The following ARL2 variants were observed in gnomAD, a reference collection of about 807,000 sequenced individuals.
The protein encoded by ARL2 is ARF like GTPase 2, also known as ADP-ribosylation factor-like protein 2.
In ARL2, 11 loss-of-function variants were observed where a neutral mutation model predicts 22.0. The observed-to-expected ratio is 0.50, with a 90% CI of 0.31 to 0.83. ARL2 has a LOEUF of 0.83. ARL2 is among the 40% of genes least tolerant of loss of function. ARL2 has a pLI of 0.04. For missense variants in ARL2, 216 were observed against 243.2 expected, an observed-to-expected ratio of 0.89 and a Z score of 0.74; for synonymous variants, 111 against 100.8, an observed-to-expected ratio of 1.10 and a Z score of -0.61.
At position 65,021,741 on chromosome 11, in the gene ARL2, C is replaced by T. The variant is rs774121333; in HGVS notation, c.441C>T (p.Ile147=). 2 of 1,606,918 alleles carry T rather than the reference C, an allele frequency of 1.2e-6. No homozygotes were observed. The highest frequency in any genetic ancestry group is 1.7e-6 in the Non-Finnish European group (2 of 1,177,076). The part of the protein sequence containing the change: ...AIREVLELDS[I]RSHHWCIQGC... ...CCCAGGTCCTGGAGCTGGACTCCAT[C>T]CGCAGCCACCACTGGTGCATCCAGG... Residue 147 remains isoleucine, a synonymous_variant, in exon 5 of 5, where the codon ATC becomes ATT. Transcript: ENST00000246747.
intron 1 of ARL2, among the ~76,000 whole-genome samples, chr11:65,017,629 T>C (rs1946274296): frequency 6.6e-6 from 1 of 152,108 alleles, no homozygotes; most frequent in South Asian, 2.1e-4. Context: ...GGGCTAAGGC[T>C]GGGCCTCAGG....
intron 4 of ARL2, chr11:65,021,443 G>T: frequency 2.6e-6 from 1 of 384,992 alleles, no homozygotes; most frequent in East Asian, 3.9e-5. Flanking sequence ...GGTGTGTGGG[G>T]CTCCTAGCAC....
At chr11:65,014,524 A>C (rs1307303355) in intron 1 of ARL2, among the ~76,000 whole-genome samples, 1 of 152,060 alleles carries the variant, frequency 6.6e-6, no homozygotes, top group Non-Finnish European at 1.5e-5. Flanking sequence ...CCCGAGTGTC[A>C]GGGGTGGTGG....
intron 4 of ARL2, 123 bp from the exon 5 acceptor site, chr11:65,021,598 G>A (rs1946328108): frequency 1.6e-6 from 2 of 1,286,848 alleles, no homozygotes; most frequent in Non-Finnish European, 2.1e-6. Flanking sequence ...TTCCTGGATG[G>A]GATGACATGG....
chr11:65,016,225 A>G (rs1946252003), intron 1 of ARL2, among the ~76,000 whole-genome samples: 2 of 134,618 alleles, frequency 1.5e-5, no homozygotes, highest in East Asian at 2.6e-4. Context: ...AAAAATGACA[A>G]TTGAGTACAT....
Position 65,018,886 on chromosome 11 carries a change from A to G in ARL2, c.339+153A>G. 6.5e-7 allele frequency: 1 copy of G among 1,535,738 alleles called. No homozygotes were observed. The highest frequency in any genetic ancestry group is 1.4e-5 in the African/African-American group (1 of 73,214). ...ATGGGAGGCCCATGGTGCCAGAGGC[A>G]GGACACATGCTGTGGACTGAGATTG... On this transcript the variant is annotated intron_variant, in intron 3 of 4. Transcript: ENST00000246747. This position sits in a 1 kb window ranked among gnomAD's most constrained non-coding sequence, Gnocchi z 4.2.
rs753439287 is a variant in ARL2 at position 65,018,770 on chromosome 11, G to T, written c.339+37G>T. 6.2e-7 allele frequency: 1 copy of T among 1,611,140 alleles called. No homozygotes were observed. The highest frequency in any genetic ancestry group is 8.5e-7 in the Non-Finnish European group (1 of 1,179,732). ...CTACCCTTTGTGTACATGTATGGAC[G>T]TGTGGCTGCCTTCTCAGCAGATGCC... On this transcript the variant is annotated intron_variant, in intron 3 of 4. Coordinates refer to ENST00000246747, the MANE Select transcript of ARL2 (RefSeq NM_001667.4). This position sits in a 1 kb window ranked among gnomAD's most constrained non-coding sequence, Gnocchi z 4.2.
Position 65,014,167 on chromosome 11 carries a change from G to GACCCCGCTCCCGGT in ARL2, c.-39_-38insCCCGCTCCCGGTAC. The GACCCCGCTCCCGGT allele has an allele frequency of 6.7e-7, 1 of 1,487,596 alleles. No homozygotes were observed. Among genetic ancestry groups the GACCCCGCTCCCGGT allele is most frequent in the Non-Finnish European group, 9.1e-7 (1 of 1,101,868 alleles). 92.1% of individuals were successfully genotyped at this position (1,487,596 alleles called of 1,614,324 possible). On this transcript the variant is annotated 5_prime_UTR_variant, in exon 1 of 5. Transcript: ENST00000246747. ...ACAGGAACCGGGAGCGGGGTCCCGG[G>GACCCCGCTCCCGGT]ACTGGGAAGAAACGGCGGCCGGGAG...
At chr11:65,020,869 C>CAAAAAAA (rs58186585) in intron 4 of ARL2, among the ~76,000 whole-genome samples, 3 of 68,086 alleles carry the variant, frequency 4.4e-5, no homozygotes, top group African/African-American at 1.0e-4. Flanking sequence ...GACTTCGTCT[C>CAAAAAAA]AAAAAAAAAA....
At chr11:65,019,194 G>A in intron 3 of ARL2, 1 of 293,888 alleles carries the variant, frequency 3.4e-6, no homozygotes, top group Non-Finnish European at 6.7e-6. Context: ...CTGTGATCGT[G>A]CCACTGCACT....
At chr11:65,015,018 C>A (rs1946233352) in intron 1 of ARL2, among the ~76,000 whole-genome samples, 1 of 152,254 alleles carries the variant, frequency 6.6e-6, no homozygotes, top group African/African-American at 2.4e-5. Flanking sequence ...AGGCTCACCG[C>A]AGCCTCCAGC....
chr11:65,019,009 G>A (rs1946294875), intron 3 of ARL2: 2 of 1,336,888 alleles, frequency 1.5e-6, no homozygotes, highest in African/African-American at 1.5e-5. Context: ...GGGCTTTAGG[G>A]AGGATAACCC....
At position 65,021,835 on chromosome 11, in the gene ARL2, C is replaced by A; in HGVS notation, c.535C>A (p.Arg179Ser). 1 of 1,613,246 alleles carries A rather than the reference C, an allele frequency of 6.2e-7. No individual in the cohort carries two copies. Among genetic ancestry groups the A allele is most frequent in the Non-Finnish European group, 8.5e-7 (1 of 1,179,916 alleles). ...IDWLLDDISS[R>S]IFTAD Reference sequence around the variant, plus strand: ...CTGGCTCCTGGATGACATTTCCAGCCGCATTTTCACAGCTGACTGAACCAC... The same window carrying A: ...CTGGCTCCTGGATGACATTTCCAGCAGCATTTTCACAGCTGACTGAACCAC... The change falls in exon 5 of 5, where the codon CGC becomes AGC. Residue 179 changes from arginine to serine, a missense_variant. By Grantham distance (110) the Arg-to-Ser change is moderately radical. Transcript: ENST00000246747.
At chr11:65,019,174 C>T (rs1946297282) in intron 3 of ARL2, 7 of 331,616 alleles carry the variant, frequency 2.1e-5, no homozygotes, top group South Asian at 1.7e-4. Context: ...GAGGTTGAGG[C>T]TGCAGTGAGC....
intron 1 of ARL2, among the ~76,000 whole-genome samples, chr11:65,017,956 C>T (rs1484930790): frequency 1.3e-5 from 2 of 152,254 alleles, no homozygotes; most frequent in Admixed American, 6.5e-5. Context: ...AGGCCTTCCC[C>T]GGCACCTGAG....
At position 65,021,998 on chromosome 11, in the gene ARL2, T is replaced by C. The variant is rs1212684139; in HGVS notation, c.*143T>C. 1 of 1,259,654 alleles carries C rather than the reference T, an allele frequency of 7.9e-7. No homozygotes were observed. Among genetic ancestry groups the C allele is most frequent in the Non-Finnish European group, 1.1e-6 (1 of 921,384 alleles). The allele number at this position is 1,259,654 out of a possible 1,614,324, so 78.0% of individuals were successfully genotyped here. On this transcript the variant is annotated 3_prime_UTR_variant, in exon 5 of 5. Transcript: ENST00000246747. ...TGCTGCTGCTACTGCTGCCCGCTGCTGCTCTGTGGCCACCCGGCTCCCATG... is the reference window on the plus strand; with the variant it reads ...TGCTGCTGCTACTGCTGCCCGCTGCCGCTCTGTGGCCACCCGGCTCCCATG...
intron 3 of ARL2, among the ~76,000 whole-genome samples, chr11:65,020,021 C>A (rs1247214346): frequency 6.6e-6 from 1 of 152,208 alleles, no homozygotes; most frequent in African/African-American, 2.4e-5. Context: ...GGGAGTGGAA[C>A]GGTTAAAGGG....
At position 65,021,777 on chromosome 11, in the gene ARL2, C is replaced by T. The variant is rs767163012; in HGVS notation, c.477C>T (p.Ala159=). 39 of 1,612,888 alleles carry T rather than the reference C, an allele frequency of 2.4e-5. No individual in the cohort carries two copies. Among genetic ancestry groups the T allele is most frequent in the Admixed American group, 1.0e-4 (6 of 59,992 alleles). Residue 159 remains alanine, a synonymous_variant, in exon 5 of 5, where the codon GCC becomes GCT. Transcript: ENST00000246747. ...SHHWCIQGCS[A]VTGENLLPGI... is the part of the protein sequence containing the mutation. ...ACTGGTGCATCCAGGGCTGCAGCGC[C>T]GTCACCGGGGAGAACCTGCTGCCGG...
chr11:65,020,279 T>C (rs1311073501), intron 3 of ARL2, 140 bp from the exon 4 acceptor site: 4 of 734,490 alleles, frequency 5.4e-6, no homozygotes, highest in Non-Finnish European at 9.5e-6. Context: ...ACAAACTCAC[T>C]CCTGGGCCTC....
Sources: allele counts gnomAD v4.1 joint callset (sites outside exome capture counted in the v4.1 genomes callset), GRCh38; gene constraint gnomAD v4.1.1; non-coding constraint Gnocchi (gnomAD v3.1); transcripts MANE v1.5; gene names NCBI Gene and HGNC (gene_info 2026-07-23, HGNC 2026-07-21).